Variants in ZZEF1 observed in about 807,000 individuals in gnomAD.
The protein encoded by ZZEF1 is zinc finger ZZ-type and EF-hand domain containing 1.
Under a neutral mutation model 342.8 loss-of-function variants are expected in ZZEF1, and 157 were observed. The ratio of observed to expected loss-of-function variants is 0.46; its 90% CI spans 0.40 to 0.52. ZZEF1 has a LOEUF of 0.52. Ranked by LOEUF, ZZEF1 falls within the 20% of genes least tolerant of loss-of-function variation. ZZEF1 has a pLI of 0.00. For missense variants in ZZEF1, 3,480 were observed against 3,725.6 expected (o/e 0.93, Z 1.72); for synonymous variants, 1,505 against 1,429.1 (o/e 1.05, Z -1.20).
intron 18 of ZZEF1, among the ~76,000 whole-genome samples, chr17:4,079,757 C>T (rs1163275557): frequency 6.6e-6 from 1 of 152,144 alleles, no homozygotes; most frequent in African/African-American, 2.4e-5. Flanking sequence ...GGGGGAGACA[C>T]CTGCTGATGG....
rs1216891378 is a variant in ZZEF1, at chr17:4,013,579, T to C, written c.8449A>G (p.Arg2817Gly). 3 of 1,613,852 alleles carry C rather than the reference T, an allele frequency of 1.9e-6. No individual in the cohort carries two copies. The East Asian group carries it at 6.7e-5, about 36-fold the overall frequency. ...GCCAATGGGAGATGAGGCACGACCC[T>C]TTCTTCTGACAACATCTGCTTCAAA... Reference protein sequence around the residue: ...EILKQMLSEERVVPHLPLAKI... With the variant: ...EILKQMLSEEGVVPHLPLAKI... Residue 2817 changes from arginine to glycine, a missense_variant, in exon 52 of 55, where the codon AGG becomes GGG. Coordinates refer to ENST00000381638, the MANE Select transcript of ZZEF1 (RefSeq NM_015113.4).
intron 28 of ZZEF1, 140 bp from the exon 29 acceptor site, chr17:4,064,969 T>G: frequency 1.6e-6 from 1 of 616,190 alleles, no homozygotes; most frequent in Admixed American, 3.1e-5. Context: ...ATGGCACATG[T>G]ATACATATGT....
intron 52 of ZZEF1, among the ~76,000 whole-genome samples, chr17:4,010,164 A>T (rs1239375839): frequency 6.6e-6 from 1 of 151,710 alleles, no homozygotes; most frequent in African/African-American, 2.4e-5. Context: ...TCTCTACAAA[A>T]AATTAAAAAC....
intron 1 of ZZEF1, among the ~76,000 whole-genome samples, chr17:4,129,782 AG>A (rs2058634726): frequency 6.6e-6 from 1 of 152,136 alleles, no homozygotes; most frequent in African/African-American, 2.4e-5. Flanking sequence ...GAAAAAGAAA[AG>A]AATAAAAAAG....
rs150456516 is a variant in ZZEF1 at position 4,112,697 on chromosome 17, G to A, written c.978C>T (p.Ser326=). 1,830 of 1,614,190 alleles carry A rather than the reference G, an allele frequency of 1.1e-3. 2 individuals are homozygous for A. The highest frequency in any genetic ancestry group is 1.4e-3 in the Non-Finnish European group (1,703 of 1,180,040). Residue 326 remains serine, a synonymous_variant, in exon 5 of 55, where the codon AGC becomes AGT. Coordinates refer to ENST00000381638, the MANE Select transcript of ZZEF1 (RefSeq NM_015113.4). The part of the protein sequence containing the change: ...QVTVAVGRNA[S]DLQEVRDVHI... ...GCACATCTCGGACTTCCTGAAGATC[G>A]CTGGCATTCCTCCCTACAGCTACTG...
In ZZEF1 at chr17:4,114,529, G is replaced by A. The variant is rs368733393; in HGVS notation, c.695-59C>T. The A allele has an allele frequency of 6.0e-6, 8 of 1,331,914 alleles. No homozygotes were observed. In the East Asian group the frequency reaches 8.1e-5, roughly 13 times the overall value. The allele number at this position is 1,331,914 out of a possible 1,614,324, so 82.5% of individuals were successfully genotyped here. On this transcript the variant is annotated intron_variant, in intron 3 of 54. Transcript: ENST00000381638. ...CCCTTTCACAAAGGGAAAAAAAAGA[G>A]TCATTTAAAATATCTAACAGAAATA...
At position 4,004,730 on chromosome 17, in the gene ZZEF1, G is replaced by C. The variant is rs938524976; in HGVS notation, c.*2160C>G. 2 of 152,284 alleles carry C rather than the reference G, an allele frequency of 1.3e-5. No individual in the cohort carries two copies. Among genetic ancestry groups the C allele is most frequent in the Non-Finnish European group, 2.9e-5 (2 of 68,052 alleles). 9.4% of individuals were successfully genotyped at this position (152,284 alleles called of 1,614,324 possible). A position where few individuals can be genotyped will look rare whatever the true frequency, so the allele number is the denominator to read the frequency against. On this transcript the variant is annotated 3_prime_UTR_variant, in exon 55 of 55. Transcript: ENST00000381638. ...GCACGTGTTTCCACCTTTGCTCTGC[G>C]GGCTTCGCCTCCTCCGGGCCTGGGG...
intron 35 of ZZEF1, 143 bp downstream of exon 35, chr17:4,051,828 G>T: frequency 1.3e-6 from 1 of 768,820 alleles, no homozygotes; most frequent in Non-Finnish European, 2.0e-6. Context: ...GTACATGAAG[G>T]TTCACTGTGT....
At chr17:4,044,823 A>G (rs552924320) in intron 37 of ZZEF1, among the ~76,000 whole-genome samples, 1 of 152,018 alleles carries the variant, frequency 6.6e-6, no homozygotes, top group South Asian at 2.1e-4. Flanking sequence ...CGCCTATGCC[A>G]CTCATTTCTT....
At chr17:4,089,630 A>C (rs2603035) in intron 12 of ZZEF1, among the ~76,000 whole-genome samples, 7,221 of 16,940 alleles carry the variant, frequency 0.43, 2,252 homozygotes, top group East Asian at 0.69. Flanking sequence ...ACACTGTAGC[A>C]TGGCTAAGGA....
rs748104753 is a variant in ZZEF1 at position 4,109,855 on chromosome 17, T to C, written c.1075A>G (p.Ile359Val). The change falls in exon 6 of 55, where the codon ATT (isoleucine) becomes GTT (valine). Residue 359 changes from isoleucine (I) to valine (V), a missense_variant. Coordinates refer to ENST00000381638, the MANE Select transcript of ZZEF1 (RefSeq NM_015113.4). ...TCGCTAAGACAACGCTTTATGTTAATCTGGACATCTGTCGAGCACAAACAA... is the reference window on the plus strand; with the variant it reads ...TCGCTAAGACAACGCTTTATGTTAACCTGGACATCTGTCGAGCACAAACAA... ...NANVSQLYVQ[I>V]NIKRCLSDGC... The C allele has an allele frequency of 5.0e-6, 8 of 1,614,062 alleles. No homozygotes were observed. The Admixed American group carries it at 6.7e-5, about 13-fold the overall frequency.
chr17:4,023,784 A>C (rs2056332260), intron 43 of ZZEF1, among the ~76,000 whole-genome samples: 1 of 152,180 alleles, frequency 6.6e-6, no homozygotes, highest in South Asian at 2.1e-4. Flanking sequence ...GTGAGCCGTG[A>C]TCACAGGTCT....
chr17:4,061,375 G>C (rs117012093), intron 30 of ZZEF1, among the ~76,000 whole-genome samples: 1 of 151,850 alleles, frequency 6.6e-6, no homozygotes, highest in Admixed American at 6.6e-5. Context: ...TTGACTTCTA[G>C]GTAAAGAAGT....
Position 4,105,730 on chromosome 17 carries a change from G to A in ZZEF1, c.1357C>T (p.Leu453=). Residue 453 remains leucine, a synonymous_variant, in exon 7 of 55, where the codon CTG becomes TTG. Coordinates refer to ENST00000381638, the MANE Select transcript of ZZEF1 (RefSeq NM_015113.4). ...ATGAGGAAACTGTCCACTTCTTCCAGCACATTAGGGGAGAGGAAAGTTGAG... is the reference window on the plus strand; with the variant it reads ...ATGAGGAAACTGTCCACTTCTTCCAACACATTAGGGGAGAGGAAAGTTGAG... ...DFSTFLSPNV[L]EEVDSFLIRI... is the part of the protein sequence containing the mutation. 2.5e-6 allele frequency: 4 copies of A among 1,613,302 alleles called. No homozygotes were observed. In the East Asian group the frequency reaches 8.9e-5, roughly 36 times the overall value.
intron 1 of ZZEF1, among the ~76,000 whole-genome samples, chr17:4,128,934 A>G (rs780303733): frequency 4.0e-5 from 6 of 149,222 alleles, no homozygotes; most frequent in Non-Finnish European, 7.4e-5. Context: ...ACGCCCAGCT[A>G]ATTTTTGCGT....
chr17:4,013,732 A>C, intron 51 of ZZEF1, 118 bp from the exon 52 acceptor site: 1 of 1,135,310 alleles, frequency 8.8e-7, no homozygotes. Flanking sequence ...AAACTGCTCA[A>C]ATTTTAATAA....
At position 4,053,800 on chromosome 17, in the gene ZZEF1, C is replaced by T. The variant is rs570929601; in HGVS notation, c.5434+257G>A. Among the ~76,000 whole-genome samples, 15 of 152,350 alleles carry T rather than the reference C, an allele frequency of 9.8e-5. No individual in the cohort carries two copies. In the South Asian group the frequency reaches 3.1e-3, roughly 32 times the overall value. On this transcript the variant is annotated intron_variant, in intron 34 of 54. Coordinates refer to ENST00000381638, the MANE Select transcript of ZZEF1 (RefSeq NM_015113.4). ...ACTATTTCCTGAAAACTCCACTGAACATACATACACTGGTCCCGAGTGTTT... is the reference window on the plus strand; with the variant it reads ...ACTATTTCCTGAAAACTCCACTGAATATACATACACTGGTCCCGAGTGTTT...
chr17:4,054,264 C>A, intron 33 of ZZEF1, 69 bp from the exon 34 acceptor site: 2 of 1,511,476 alleles, frequency 1.3e-6, no homozygotes, highest in Non-Finnish European at 1.8e-6. Flanking sequence ...TAATCAATTC[C>A]TCCATTCACT....
intron 4 of ZZEF1, among the ~76,000 whole-genome samples, chr17:4,113,702 A>G (rs2058350734): frequency 6.6e-6 from 1 of 151,678 alleles, no homozygotes; most frequent in African/African-American, 2.4e-5. Context: ...GACCGGGTGC[A>G]GTGGCTCACA....
Sources: allele counts gnomAD v4.1 joint callset (sites outside exome capture counted in the v4.1 genomes callset), GRCh38; gene constraint gnomAD v4.1.1; transcripts MANE v1.5; gene names NCBI Gene and HGNC (gene_info 2026-07-23, HGNC 2026-07-21).